Variants in FUCA1 observed in about 807,000 individuals in gnomAD.
FUCA1 encodes alpha-L-fucosidase 1.
Under a neutral mutation model 56.8 loss-of-function variants are expected in FUCA1, and 52 were observed. The ratio of observed to expected loss-of-function variants is 0.92; its 90% CI spans 0.73 to 1.15. The LOEUF (loss-of-function observed/expected upper bound fraction) is 1.15. Ranked by LOEUF, FUCA1 falls within the 50% of genes most tolerant of loss-of-function variation. The probability of loss-of-function intolerance (pLI) is 0.00; values close to 1 mark genes in which losing one functional copy is unlikely to be tolerated. For synonymous variants in FUCA1, 230 were observed against 226.6 expected, an observed-to-expected ratio of 1.02 and a Z score of -0.14; for missense variants, 568 against 592.6, an observed-to-expected ratio of 0.96 and a Z score of 0.43.
At chr1:23,857,012 A>G (rs530010593) in intron 4 of FUCA1, among the ~76,000 whole-genome samples, 39 of 151,984 alleles carry the variant, frequency 2.6e-4, no homozygotes, top group Non-Finnish European at 4.0e-4. Flanking sequence ...GAAAAGAAAA[A>G]AAAAAGCCAA....
chr1:23,861,397 T>C (rs1639511153), intron 3 of FUCA1, among the ~76,000 whole-genome samples: 1 of 149,812 alleles, frequency 6.7e-6, no homozygotes, highest in Non-Finnish European at 1.5e-5. Flanking sequence ...GTAATTAACC[T>C]GCACATTGTA....
At chr1:23,863,480 C>T (rs763222907) in intron 2 of FUCA1, among the ~76,000 whole-genome samples, 6 of 152,218 alleles carry the variant, frequency 3.9e-5, no homozygotes, top group Non-Finnish European at 8.8e-5. Context: ...AAACACATAA[C>T]TACCTTTTAT....
In FUCA1 at chr1:23,865,634, A is replaced by G. The variant is rs769661674; in HGVS notation, c.390-9T>C. On this transcript the variant is annotated splice_polypyrimidine_tract_variant and intron_variant, in intron 1 of 7. Transcript: ENST00000374479. Reference sequence around the variant, plus strand: ...TCGTCAAAACTACATACCTGTGGACAGCAAAACCACATGAGCAAAGGAAGT... The same window carrying G: ...TCGTCAAAACTACATACCTGTGGACGGCAAAACCACATGAGCAAAGGAAGT... The G allele has an allele frequency of 2.5e-6, 4 of 1,614,264 alleles. No homozygotes were observed. The Admixed American group carries it at 5.0e-5, about 20-fold the overall frequency.
intron 4 of FUCA1, 140 bp from the exon 5 acceptor site, chr1:23,854,700 G>C (rs1639355937): frequency 1.4e-6 from 1 of 739,042 alleles, no homozygotes; most frequent in South Asian, 1.5e-5. Context: ...TTTTGCTCTG[G>C]AGGGGACATT....
At chr1:23,851,990 C>A (rs1181123580) in intron 5 of FUCA1, among the ~76,000 whole-genome samples, 2 of 151,762 alleles carry the variant, frequency 1.3e-5, no homozygotes, top group East Asian at 3.9e-4. Context: ...CAAACCTGCA[C>A]ACTCTGCACT....
intron 4 of FUCA1, among the ~76,000 whole-genome samples, chr1:23,858,259 G>A (rs977858254): frequency 7.9e-5 from 12 of 151,578 alleles, no homozygotes; most frequent in African/African-American, 2.9e-4. Flanking sequence ...AGTAGAGATG[G>A]GGTTTCACTG....
At chr1:23,854,597 A>G in intron 4 of FUCA1, 37 bp from the exon 5 acceptor site, 1 of 1,509,186 alleles carries the variant, frequency 6.6e-7, no homozygotes. Flanking sequence ...TGAGGAGTAA[A>G]ACCACTTGAC....
chr1:23,852,494 C>T (rs1017453627), intron 5 of FUCA1, among the ~76,000 whole-genome samples: 70 of 151,306 alleles, frequency 4.6e-4, no homozygotes, highest in Non-Finnish European at 8.9e-4. Context: ...TCTCCCTCTC[C>T]CTCTCTTTCC....
chr1:23,847,051 C>T (rs1639158230), intron 6 of FUCA1, among the ~76,000 whole-genome samples: 1 of 152,064 alleles, frequency 6.6e-6, no homozygotes, highest in Admixed American at 6.6e-5. Context: ...CTACCAAATC[C>T]CAGTCCTCGA....
chr1:23,852,842 G>C (rs1639293962), intron 5 of FUCA1, among the ~76,000 whole-genome samples: 1 of 151,972 alleles, frequency 6.6e-6, no homozygotes, highest in South Asian at 2.1e-4. Context: ...CCACCTCCCA[G>C]CCGCCTGCCT....
intron 6 of FUCA1, among the ~76,000 whole-genome samples, chr1:23,846,962 C>T (rs1639156679): frequency 6.6e-6 from 1 of 152,020 alleles, no homozygotes. Context: ...TCAAGTGATC[C>T]TCCCACCTTG....
At chr1:23,863,614 G>A (rs1639557507) in intron 2 of FUCA1, among the ~76,000 whole-genome samples, 1 of 152,218 alleles carries the variant, frequency 6.6e-6, no homozygotes, top group African/African-American at 2.4e-5. Context: ...CACTTTGGGA[G>A]GCTGAGGTGG....
chr1:23,847,692 G>A (rs956796009), intron 6 of FUCA1, among the ~76,000 whole-genome samples: 1 of 152,136 alleles, frequency 6.6e-6, no homozygotes, highest in Non-Finnish European at 1.5e-5. Flanking sequence ...CCAGCCTCCA[G>A]AACTGTGAGC....
chr1:23,857,700 C>T (rs1279572939), intron 4 of FUCA1, among the ~76,000 whole-genome samples: 1 of 151,736 alleles, frequency 6.6e-6, no homozygotes, highest in East Asian at 1.9e-4. Context: ...CAGAGTCTCG[C>T]TCTGTTGCCC....
At position 23,867,803 on chromosome 1, in the gene FUCA1, G is replaced by T; in HGVS notation, c.389+95C>A. On this transcript the variant is annotated intron_variant, in intron 1 of 7. Transcript: ENST00000374479. The surrounding 1 kb of genome is among the most constrained non-coding windows in gnomAD (Gnocchi z 4.9). ...ACGCGGGCCCCGGGGTCATGGGGGC[G>T]ACCGGCAGCTGCGCGCCCCAGCTGG... The T allele has an allele frequency of 2.8e-6, 4 of 1,444,706 alleles. No homozygotes were observed. The highest frequency in any genetic ancestry group is 2.9e-5 in the South Asian group (2 of 68,708). 89.5% of individuals were successfully genotyped at this position (1,444,706 alleles called of 1,614,324 possible).
chr1:23,853,797 G>GTC (rs1639331945), intron 5 of FUCA1, among the ~76,000 whole-genome samples: 2 of 151,930 alleles, frequency 1.3e-5, no homozygotes, highest in Non-Finnish European at 2.9e-5. Context: ...CGTGTGCTGT[G>GTC]TCCACTCAGG....
chr1:23,858,520 C>A (rs543363007), intron 4 of FUCA1, among the ~76,000 whole-genome samples: 1 of 152,172 alleles, frequency 6.6e-6, no homozygotes, highest in African/African-American at 2.4e-5. Flanking sequence ...TTTGCAAGTA[C>A]GCTAAAATAC....
At chr1:23,845,894 C>T (rs1639129251) in intron 7 of FUCA1, 39 bp from the exon 8 acceptor site, 1 of 1,612,564 alleles carries the variant, frequency 6.2e-7, no homozygotes, top group East Asian at 2.2e-5. Flanking sequence ...ACTGGTAATG[C>T]ACTAATGAGT....
intron 1 of FUCA1, among the ~76,000 whole-genome samples, 191 bp from the exon 2 acceptor site, chr1:23,865,816 T>C (rs989164747): frequency 1.3e-5 from 2 of 152,178 alleles, no homozygotes; most frequent in Non-Finnish European, 2.9e-5. Context: ...GCTCCAAGAA[T>C]GGAAGCAGAT....
Sources: allele counts gnomAD v4.1 joint callset (sites outside exome capture counted in the v4.1 genomes callset), GRCh38; gene constraint gnomAD v4.1.1; non-coding constraint Gnocchi (gnomAD v3.1); transcripts MANE v1.5; gene names NCBI Gene and HGNC (gene_info 2026-07-23, HGNC 2026-07-21).